The following AHNAK2 variants were observed in gnomAD, a reference collection of about 807,000 sequenced individuals.
AHNAK2 encodes the protein AHNAK nucleoprotein 2.
A neutral mutation model predicts 30.7 loss-of-function variants in AHNAK2; 18 were observed. The observed-to-expected ratio is 0.59, with a 90% CI of 0.41 to 0.87. AHNAK2 has a LOEUF of 0.87. Ranked by LOEUF, AHNAK2 falls within the 40% of genes least tolerant of loss-of-function variation. AHNAK2 has a pLI of 0.00. For synonymous variants in AHNAK2, 3,590 were observed against 3,073.8 expected (o/e 1.17, Z -5.56); for missense variants, 8,604 against 7,373.0 (o/e 1.17, Z -6.11).
In AHNAK2 at chr14:104,944,311, C is replaced by T. The variant is rs1363092922; in HGVS notation, c.11140G>A (p.Gly3714Arg). The T allele has an allele frequency of 1.2e-6, 2 of 1,613,050 alleles. No homozygotes were observed. ...GGCAGGTGCTCTTTGAGGCCGGCTC[C>T]CTCGGGCACCTGGCCCTCCGGGAGC... ...VKLPEGQVPE[G>R]AGLKEHLPKV... Residue 3714 changes from glycine to arginine, a missense_variant, in exon 7 of 7, where the codon GGA becomes AGA. Coordinates refer to ENST00000333244, the MANE Select transcript of AHNAK2 (RefSeq NM_138420.4).
In AHNAK2 at chr14:104,953,602, C is replaced by T; in HGVS notation, c.1849G>A (p.Ala617Thr). 2.5e-6 allele frequency: 4 copies of T among 1,613,572 alleles called. No individual in the cohort carries two copies. Among genetic ancestry groups the T allele is most frequent in the Non-Finnish European group, 3.4e-6 (4 of 1,179,668 alleles). ...TCTCTTCTATCAGCTGTTGCTGTGG[C>T]CTCTCCTTCCCTTCCCTGCTCTGTG... is the stretch of plus-strand genomic sequence containing the variant. ...EDTEQGREGE[A>T]TATADRREQR... The change falls in exon 7 of 7, where the codon GCC becomes ACC. Residue 617 changes from alanine to threonine, a missense_variant. Ala to Thr is a moderately conservative substitution (Grantham distance 58). Transcript: ENST00000333244.
chr14:104,948,662 C>G lies in AHNAK2; in HGVS notation c.6789G>C (p.Leu2263=). The change falls in exon 7 of 7, where the codon CTG becomes CTC. Residue 2263 remains leucine, a synonymous_variant. Transcript: ENST00000333244. ...GPEIDIKGPK[L]DLKDPKVEVT... ...CTTCCACCTTGGGGTCTTTTAGGTC[C>G]AGCTTGGGGCCCTTGATGTCTATTT... 6.2e-7 allele frequency: 1 copy of G among 1,611,728 alleles called. No homozygotes were observed.
At chr14:104,972,352 A>G (rs1899490074) in intron 1 of AHNAK2, among the ~76,000 whole-genome samples, 1 of 152,190 alleles carries the variant, frequency 6.6e-6, no homozygotes, top group African/African-American at 2.4e-5. Context: ...AACGCTGTTT[A>G]CTGTTTACCA....
rs1898317498 is a variant in AHNAK2, at chr14:104,947,034, A to C, written c.8417T>G (p.Met2806Arg). 1.2e-6 allele frequency: 2 copies of C among 1,611,878 alleles called. No homozygotes were observed. The highest frequency in any genetic ancestry group is 2.7e-5 in the African/African-American group (2 of 73,974). The change falls in exon 7 of 7, where the codon ATG becomes AGG. Residue 2806 changes from methionine (M) to arginine (R), a missense_variant. Coordinates refer to ENST00000333244, the MANE Select transcript of AHNAK2 (RefSeq NM_138420.4). ...EGDLSLADKG[M>R]TAKDSKFKMP... ...TTTGAACTTGCTGTCTTTGGCTGTC[A>C]TGCCCTTGTCGGCCAGGGACAGGTC...
At position 104,954,550 on chromosome 14, in the gene AHNAK2, C is replaced by T. The variant is rs781061659; in HGVS notation, c.901G>A (p.Glu301Lys). 1 of 1,609,604 alleles carries T rather than the reference C, an allele frequency of 6.2e-7. No individual in the cohort carries two copies. Among genetic ancestry groups the T allele is most frequent in the Non-Finnish European group, 8.5e-7 (1 of 1,178,046 alleles). ...HDVSPTSTDTEAQLTVERQEQ... is the reference protein window; with the variant it reads ...HDVSPTSTDTKAQLTVERQEQ... Reference sequence around the variant, plus strand: ...TGGCGCTCCACCGTGAGCTGGGCCTCTGTGTCTGTGCTTGTAGGGGACACG... The same window carrying T: ...TGGCGCTCCACCGTGAGCTGGGCCTTTGTGTCTGTGCTTGTAGGGGACACG... The change falls in exon 7 of 7, where the codon GAG (glutamate) becomes AAG (lysine). Residue 301 changes from glutamate (E) to lysine (K), a missense_variant. Coordinates refer to ENST00000333244, the MANE Select transcript of AHNAK2 (RefSeq NM_138420.4). This position sits in a 1 kb window ranked among gnomAD's most constrained non-coding sequence, Gnocchi z 4.3.
At position 104,954,026 on chromosome 14, in the gene AHNAK2, T is replaced by C. The variant is rs772508821; in HGVS notation, c.1425A>G (p.Thr475=). Reference sequence around the variant, plus strand: ...CCCTAATTTCTGGTGGGCCAATCTGTGTGCCTCCTTCGGTTGTGTCTCTCA... The same window carrying C: ...CCCTAATTTCTGGTGGGCCAATCTGCGTGCCTCCTTCGGTTGTGTCTCTCA... ...LSLRDTTEGG[T]QIGPPEIRVR... is the part of the protein sequence containing the mutation. Residue 475 remains threonine, a synonymous_variant, in exon 7 of 7, where the codon ACA becomes ACG. Transcript: ENST00000333244. The surrounding 1 kb of genome is among the most constrained non-coding windows in gnomAD (Gnocchi z 4.3). 39 of 1,613,610 alleles carry C rather than the reference T, an allele frequency of 2.4e-5. No individual in the cohort carries two copies. The highest frequency in any genetic ancestry group is 3.3e-5 in the Non-Finnish European group (39 of 1,179,870).
In AHNAK2 at chr14:104,948,953, A is replaced by T. The variant is rs140868446; in HGVS notation, c.6498T>A (p.Ser2166=). Residue 2166 remains serine, a synonymous_variant, in exon 7 of 7, where the codon TCT becomes TCA. Transcript: ENST00000333244. ...AGGCCTCGATGGACTTGCCTGGGGC[A>T]GACACCCCAAACGACGGCATCTTGA... ...PKFKMPSFGV[S]APGKSIEASV... The T allele has an allele frequency of 5.4e-3, 6,710 of 1,248,126 alleles. 639 individuals are homozygous for T. In the African/African-American group the frequency reaches 0.075, roughly 14 times the overall value. The allele number at this position is 1,248,126 out of a possible 1,614,324, so 77.3% of individuals were successfully genotyped here. A position where few individuals can be genotyped will look rare whatever the true frequency, so the allele number is the denominator to read the frequency against.
At position 104,944,380 on chromosome 14, in the gene AHNAK2, G is replaced by A. The variant is rs1898146654; in HGVS notation, c.11071C>T (p.Pro3691Ser). Reference protein sequence around the residue: ...LKTTDLSIQPPSADLKVQAGQ... With the variant: ...LKTTDLSIQPSSADLKVQAGQ... ...GCCTGGACCTTCAGGTCGGCAGAAG[G>A]GGGCTGAATGCTGAGGTCAGTGGTC... Residue 3691 changes from proline (P) to serine (S), a missense_variant, in exon 7 of 7, where the codon CCT becomes TCT. Pro to Ser is a moderately conservative substitution (Grantham distance 74). Transcript: ENST00000333244. 1 of 1,612,742 alleles carries A rather than the reference G, an allele frequency of 6.2e-7. No homozygotes were observed. The highest frequency in any genetic ancestry group is 1.1e-5 in the South Asian group (1 of 91,012).
rs369107155 is a variant in AHNAK2 at position 104,952,067 on chromosome 14, G to C, written c.3384C>G (p.Ser1128Arg). ...CCGGGGCCTCGACGTCCACCTCCAC[G>C]CTGGGCAGAGACACCTCCACATCAG... is the stretch of plus-strand genomic sequence containing the variant. ...TAPDVEVSLP[S>R]VEVDVEAPGA... The change falls in exon 7 of 7, where the codon AGC becomes AGG. Residue 1128 changes from serine to arginine, a missense_variant. By Grantham distance (110) the Ser-to-Arg change is moderately radical (BLOSUM62 -1). Coordinates refer to ENST00000333244, the MANE Select transcript of AHNAK2 (RefSeq NM_138420.4). The C allele has an allele frequency of 6.2e-7, 1 of 1,612,466 alleles. No individual in the cohort carries two copies. The highest frequency in any genetic ancestry group is 1.7e-5 in the Admixed American group (1 of 59,940).
chr14:104,954,188 T>C lies in AHNAK2; in HGVS notation c.1263A>G (p.Gly421=), dbSNP rs777795408. 6.2e-7 allele frequency: 1 copy of C among 1,610,290 alleles called. No individual in the cohort carries two copies. The highest frequency in any genetic ancestry group is 8.5e-7 in the Non-Finnish European group (1 of 1,179,744). Residue 421 remains glycine, a synonymous_variant, in exon 7 of 7, where the codon GGA becomes GGG. Transcript: ENST00000333244. The surrounding 1 kb of genome is among the most constrained non-coding windows in gnomAD (Gnocchi z 4.3). ...CCTGTGCCTGCCCCTCCAGGGTCTTTCCATGGAGCCTGGCTGCCCTGAGTC... is the reference window on the plus strand; with the variant it reads ...CCTGTGCCTGCCCCTCCAGGGTCTTCCCATGGAGCCTGGCTGCCCTGAGTC... ...EGGLRAARLH[G]KTLEGQAQET...
Position 104,939,770 on chromosome 14 carries a change from T to C in AHNAK2, c.15681A>G (p.Glu5227=). The C allele has an allele frequency of 6.2e-7, 1 of 1,613,840 alleles. No individual in the cohort carries two copies. Among genetic ancestry groups the C allele is most frequent in the South Asian group, 1.1e-5 (1 of 91,092 alleles). ...QTQAPAATGG[E]AAAKVKEFLV... is the part of the protein sequence containing the mutation. ...GGAACTCTTTGACTTTAGCTGCTGC[T>C]TCACCCCCTGTTGCTGCCGGTGCCT... Residue 5227 remains glutamate, a synonymous_variant, in exon 7 of 7, where the codon GAA becomes GAG. Transcript: ENST00000333244.
chr14:104,955,457 C>T (rs1298561907), intron 5 of AHNAK2, 26 bp downstream of exon 5: 3 of 1,601,918 alleles, frequency 1.9e-6, no homozygotes, highest in African/African-American at 1.3e-5. Flanking sequence ...AGAATGGTGA[C>T]CCCAGGGATG....
rs74922959 is a variant in AHNAK2, at chr14:104,941,339, A to C, written c.14112T>G (p.Phe4704Leu). ...GMDSKFKKLH[F>L]KVPKVSFSST... is the part of the protein sequence containing the mutation. Reference sequence around the variant, plus strand: ...AAGAAAATGAAACTTTGGGCACTTTAAAATGCAGTTTCTTAAACTTCGAAT... The same window carrying C: ...AAGAAAATGAAACTTTGGGCACTTTCAAATGCAGTTTCTTAAACTTCGAAT... The change falls in exon 7 of 7, where the codon TTT becomes TTG. Residue 4704 changes from phenylalanine to leucine, a missense_variant. Phe to Leu is a conservative substitution (Grantham distance 22). Coordinates refer to ENST00000333244, the MANE Select transcript of AHNAK2 (RefSeq NM_138420.4). 684 of 1,613,586 alleles carry C rather than the reference A, an allele frequency of 4.2e-4. 1 individual carries two copies. In the African/African-American group the frequency reaches 8.5e-3, roughly 20 times the overall value.
chr14:104,976,693 G>A (rs989599812), intron 1 of AHNAK2, among the ~76,000 whole-genome samples: 12 of 152,220 alleles, frequency 7.9e-5, no homozygotes, highest in African/African-American at 2.9e-4. Flanking sequence ...GAACCATGAA[G>A]CCAGCACAAG....
chr14:104,950,380 CA>C lies in AHNAK2; in HGVS notation c.5070del (p.Asp1691MetfsTer2). 1 of 1,586,466 alleles carries C rather than the reference CA, an allele frequency of 6.3e-7. No homozygotes were observed. Among genetic ancestry groups the C allele is most frequent in the East Asian group, 2.3e-5 (1 of 44,244 alleles). On this transcript the variant is annotated frameshift_variant, in exon 7 of 7. Coordinates refer to ENST00000333244, the MANE Select transcript of AHNAK2 (RefSeq NM_138420.4). LOFTEE classifies it low-confidence loss of function (END_TRUNC). Reference protein sequence around the residue: ...SVDVSEPKVEADVSLPSMQGD... With the variant: ...SVDVSEPKVEXDVSLPSMQGD... ...CCCTGCATGGAGGGGAGGCTCACAT[CA>C]GCTTCCACCTTCGGCTCAGACACAT... is the stretch of plus-strand genomic sequence containing the variant.
rs199830560 is a variant in AHNAK2 at position 104,945,294 on chromosome 14, C to T, written c.10157G>A (p.Gly3386Asp). Residue 3386 changes from glycine to aspartate, a missense_variant, in exon 7 of 7, where the codon GGC (glycine) becomes GAC (aspartate). Coordinates refer to ENST00000333244, the MANE Select transcript of AHNAK2 (RefSeq NM_138420.4). ...CACCTTGGGCAGGTGCCCTTTGAGG[C>T]CAGCTCCCTCGGGCACGTGGCCCTC... ...LPEGHVPEGA[G>D]LKGHLPKVEM... The T allele has an allele frequency of 2.4e-4, 380 of 1,613,100 alleles. 1 individual carries two copies. The highest frequency in any genetic ancestry group is 4.0e-4 in the South Asian group (36 of 91,050).
Position 104,947,224 on chromosome 14 carries a change from C to T in AHNAK2, c.8227G>A (p.Glu2743Lys), listed in dbSNP as rs571732672. 5.2e-5 allele frequency: 84 copies of T among 1,611,446 alleles called. 2 individuals carry two copies. The South Asian group carries it at 6.4e-4, about 12-fold the overall frequency. The change falls in exon 7 of 7, where the codon GAA becomes AAA. Residue 2743 changes from glutamate to lysine, a missense_variant. By Grantham distance (56) the Glu-to-Lys change is moderately conservative (BLOSUM62 1). Coordinates refer to ENST00000333244, the MANE Select transcript of AHNAK2 (RefSeq NM_138420.4). ...KLQMPSFKMP[E>K]VDLKGPQIDV... ...ATCTGGGGGCCCTTGAGGTCCACTTCAGGCATCTTGAAACTGGGCATCTGC... is the reference window on the plus strand; with the variant it reads ...ATCTGGGGGCCCTTGAGGTCCACTTTAGGCATCTTGAAACTGGGCATCTGC...
rs779678098 is a variant in AHNAK2, at chr14:104,941,474, A to G, written c.13977T>C (p.His4659=). Residue 4659 remains histidine, a synonymous_variant, in exon 7 of 7, where the codon CAT becomes CAC. Transcript: ENST00000333244. ...CAATGGGAAATGTGGAAGTCTTCTC[A>G]TGGAATGTAACATTTCCTTCGATTT... ...SSEIEGNVTF[H]EKTSTFPIVE... 4.7e-5 allele frequency: 76 copies of G among 1,612,660 alleles called. No individual in the cohort carries two copies. The highest frequency in any genetic ancestry group is 5.8e-5 in the Non-Finnish European group (68 of 1,179,584).
intron 1 of AHNAK2, 75 bp from the exon 2 acceptor site, chr14:104,957,747 A>G: frequency 7.0e-7 from 1 of 1,424,048 alleles, no homozygotes; most frequent in Admixed American, 1.9e-5. Flanking sequence ...GGGAGCCAGG[A>G]CTGTATGTAC....
Sources: gnomAD v4.1 joint callset for allele counts (sites outside exome capture counted in the v4.1 genomes callset) on GRCh38, gnomAD v4.1.1 for gene constraint, Gnocchi (gnomAD v3.1) non-coding constraint, MANE v1.5 for transcripts, NCBI Gene and HGNC (gene_info 2026-07-23, HGNC 2026-07-21) for gene names.